The following PTPRG variants were observed in gnomAD, a reference collection of about 807,000 sequenced individuals.
The protein encoded by PTPRG is receptor-type tyrosine-protein phosphatase gamma.
A neutral mutation model predicts 165.3 loss-of-function variants in PTPRG; 102 were observed. The ratio of observed to expected loss-of-function variants is 0.62; its 90% confidence interval spans 0.53 to 0.73. The LOEUF is 0.73. PTPRG is among the 30% of genes least tolerant of loss of function. PTPRG has a pLI of 0.00. For synonymous variants in PTPRG, 675 were observed against 669.5 expected, an observed-to-expected ratio of 1.01 and a Z score of -0.13; for missense variants, 1,866 against 1,861.4, an observed-to-expected ratio of 1.00 and a Z score of -0.05.
At position 62,026,886 on chromosome 3, in the gene PTPRG, A is replaced by G. The variant is rs1334872609; in HGVS notation, c.519+23389A>G. On this transcript the variant is annotated intron_variant, in intron 4 of 29. Coordinates refer to ENST00000474889, the MANE Select transcript of PTPRG (RefSeq NM_002841.4). ...GGGAAACCGAGTGAGAATTAAAAAA[A>G]AAAAAAAAGATATAAGAAAATTCTG... Among the ~76,000 whole-genome samples, 9 of 145,018 alleles carry G rather than the reference A, an allele frequency of 6.2e-5. 1 individual carries two copies. In the South Asian group the frequency reaches 2.1e-3, roughly 34 times the overall value.
At chr3:61,691,628 T>C (rs2030219577) in intron 1 of PTPRG, among the ~76,000 whole-genome samples, 1 of 152,212 alleles carries the variant, frequency 6.6e-6, no homozygotes, top group South Asian at 2.1e-4. Context: ...GCGTTTTGTG[T>C]ACATCTGTGT....
At chr3:61,900,031 G>A in intron 2 of PTPRG, among the ~76,000 whole-genome samples, 1 of 152,280 alleles carries the variant, frequency 6.6e-6, no homozygotes, top group Non-Finnish European at 1.5e-5. Context: ...ATAAATGTCT[G>A]TTTTTTAAAA....
At chr3:61,878,529 T>C (rs980791876) in intron 2 of PTPRG, among the ~76,000 whole-genome samples, 1 of 152,202 alleles carries the variant, frequency 6.6e-6, no homozygotes, top group Admixed American at 6.5e-5. Flanking sequence ...GGTATCGCTC[T>C]GTCACCCAGG....
intron 2 of PTPRG, among the ~76,000 whole-genome samples, chr3:61,858,664 A>G (rs951946473): frequency 6.6e-6 from 1 of 152,222 alleles, no homozygotes; most frequent in Non-Finnish European, 1.5e-5. Context: ...AAGAAACACT[A>G]TTATAATAAA....
chr3:61,989,810 C>T lies in PTPRG; in HGVS notation c.370+6C>T, dbSNP rs975448126. The T allele has an allele frequency of 1.2e-6, 2 of 1,613,358 alleles. No homozygotes were observed. The highest frequency in any genetic ancestry group is 1.1e-5 in the South Asian group (1 of 91,034). On this transcript the variant is annotated splice_donor_region_variant and intron_variant, in intron 3 of 29. Coordinates refer to ENST00000474889, the MANE Select transcript of PTPRG (RefSeq NM_002841.4). ...GAAAAACACAGGGAAAACAGGTAGACAATGGCTTCTTTATTTGTCCACAGA... is the reference window on the plus strand; with the variant it reads ...GAAAAACACAGGGAAAACAGGTAGATAATGGCTTCTTTATTTGTCCACAGA...
At chr3:61,991,229 G>A (rs113266718) in intron 3 of PTPRG, among the ~76,000 whole-genome samples, 89 of 152,174 alleles carry the variant, frequency 5.8e-4, no homozygotes, top group African/African-American at 1.9e-3. Context: ...TTTTTGAGAC[G>A]GAGTCTCACT....
chr3:61,672,614 C>G (rs1348617061), intron 1 of PTPRG, among the ~76,000 whole-genome samples: 1 of 151,098 alleles, frequency 6.6e-6, no homozygotes, highest in Non-Finnish European at 1.5e-5. Context: ...AGGCACTCGG[C>G]AGGCTGAGGC....
intron 2 of PTPRG, among the ~76,000 whole-genome samples, chr3:61,881,987 T>C (rs1458429441): frequency 7.9e-5 from 12 of 152,338 alleles, no homozygotes; most frequent in Non-Finnish European, 1.5e-5. Flanking sequence ...GCTACTGCTT[T>C]TCCTCATGGA....
intron 5 of PTPRG, among the ~76,000 whole-genome samples, chr3:62,099,541 C>T (rs1242844515): frequency 2.6e-5 from 4 of 151,782 alleles, no homozygotes; most frequent in South Asian, 2.1e-4. Context: ...TTAAAAATTA[C>T]GCTTTATGTT....
chr3:61,903,663 C>T (rs781616021), intron 2 of PTPRG, among the ~76,000 whole-genome samples: 22 of 152,250 alleles, frequency 1.4e-4, no homozygotes, highest in African/African-American at 3.1e-4. Flanking sequence ...CGTGAGCCAC[C>T]GTGCCCGGGC....
intron 2 of PTPRG, among the ~76,000 whole-genome samples, chr3:61,974,563 T>C (rs74989032): frequency 6.1e-4 from 31 of 50,972 alleles, no homozygotes; most frequent in Non-Finnish European, 1.1e-3. Flanking sequence ...AAAAAAAAAA[T>C]TTTTTTTTAA....
intron 2 of PTPRG, among the ~76,000 whole-genome samples, chr3:61,860,434 CTTTTTTTTTTTT>C (rs766688465): frequency 0.01 from 996 of 95,590 alleles, 20 homozygotes; most frequent in African/African-American, 0.036. Flanking sequence ...GTTTTTGTTC[CTTTTTTTTTTTT>C]TTTTTTTTTT....
chr3:62,238,064 G>A (rs1022708841), intron 14 of PTPRG, among the ~76,000 whole-genome samples: 2 of 152,180 alleles, frequency 1.3e-5, no homozygotes, highest in African/African-American at 4.8e-5. Context: ...AAGCACTTCG[G>A]TAGCATTTAG....
chr3:61,743,235 T>C (rs2033072013), intron 1 of PTPRG: 1 of 670,784 alleles, frequency 1.5e-6, no homozygotes, highest in African/African-American at 1.8e-5. Context: ...GGAAACTCCC[T>C]GATGAAAATA....
chr3:62,102,830 C>G (rs1702338272), intron 5 of PTPRG, among the ~76,000 whole-genome samples: 1 of 152,144 alleles, frequency 6.6e-6, no homozygotes, highest in South Asian at 2.1e-4. Context: ...GTGCTGAAAT[C>G]TAAAAGTTGC....
chr3:61,969,351 A>G (rs1371035507), intron 2 of PTPRG, among the ~76,000 whole-genome samples: 2 of 152,200 alleles, frequency 1.3e-5, no homozygotes, highest in African/African-American at 2.4e-5. Context: ...ATTTGCATCA[A>G]TGAATATATA....
At chr3:62,239,144 G>A (rs1048186977) in intron 14 of PTPRG, among the ~76,000 whole-genome samples, 2 of 152,006 alleles carry the variant, frequency 1.3e-5, no homozygotes, top group Non-Finnish European at 2.9e-5. Flanking sequence ...CCTTTTTAGG[G>A]TACTTACATA....
intron 2 of PTPRG, among the ~76,000 whole-genome samples, chr3:61,793,158 G>A (rs750047044): frequency 1.3e-5 from 2 of 152,160 alleles, no homozygotes; most frequent in Admixed American, 6.6e-5. Context: ...CCAGCCTGTC[G>A]CTTCCTGTCT....
intron 1 of PTPRG, among the ~76,000 whole-genome samples, chr3:61,703,111 TA>T: frequency 6.6e-6 from 1 of 152,300 alleles, no homozygotes; most frequent in African/African-American, 2.4e-5. Flanking sequence ...CCTGTAATTT[TA>T]AAGCCTGTAT....
Sources: allele counts gnomAD v4.1 joint callset (sites outside exome capture counted in the v4.1 genomes callset), GRCh38; gene constraint gnomAD v4.1.1; transcripts MANE v1.5; gene names NCBI Gene and HGNC (gene_info 2026-07-23, HGNC 2026-07-21).